NDUFAF2: variants seen among roughly 807,000 people sequenced by gnomAD.
The protein encoded by NDUFAF2 is NADH:ubiquinone oxidoreductase complex assembly factor 2, also known as NADH dehydrogenase [ubiquinone] 1 alpha subcomplex assembly factor 2.
A neutral mutation model predicts 22.8 loss-of-function variants in NDUFAF2; 13 were observed. The ratio of observed to expected loss-of-function variants is 0.57; its 90% CI spans 0.37 to 0.91. NDUFAF2 has a LOEUF of 0.91. Among genes scored for constraint, NDUFAF2 ranks in the 40% least tolerant of loss-of-function variants. The pLI is 0.01. For synonymous variants in NDUFAF2, 53 were observed against 64.2 expected (o/e 0.83, Z 0.84); for missense variants, 162 against 195.2 (o/e 0.83, Z 1.01).
At chr5:60,973,903 C>G (rs1325004809) in intron 1 of NDUFAF2, among the ~76,000 whole-genome samples, 1 of 152,140 alleles carries the variant, frequency 6.6e-6, no homozygotes, top group East Asian at 1.9e-4. Context: ...CTCCCAGGCT[C>G]AGTGATTCTC....
At chr5:61,009,050 T>G (rs553850457) in intron 1 of NDUFAF2, among the ~76,000 whole-genome samples, 87 of 152,234 alleles carry the variant, frequency 5.7e-4, no homozygotes, top group African/African-American at 2.0e-3. Flanking sequence ...TCTTTTCTAC[T>G]AATCCGTATC....
At chr5:61,037,588 T>C (rs1416295587) in intron 1 of NDUFAF2, among the ~76,000 whole-genome samples, 2 of 152,168 alleles carry the variant, frequency 1.3e-5, no homozygotes, top group African/African-American at 4.8e-5. Context: ...AACCCTTGGA[T>C]GTATGCAATG....
At chr5:61,110,715 C>A (rs1321091492) in intron 3 of NDUFAF2, among the ~76,000 whole-genome samples, 1 of 151,676 alleles carries the variant, frequency 6.6e-6, no homozygotes, top group East Asian at 1.9e-4. Flanking sequence ...TGTCTTTTTT[C>A]TTAATCTGGC....
At chr5:61,024,658 G>T (rs557816015) in intron 1 of NDUFAF2, among the ~76,000 whole-genome samples, 15 of 152,006 alleles carry the variant, frequency 9.9e-5, no homozygotes, top group African/African-American at 3.1e-4. Flanking sequence ...AGTAAGTCTG[G>T]CTCCAGAGGC....
chr5:61,097,632 G>A (rs575959499), intron 2 of NDUFAF2, among the ~76,000 whole-genome samples: 1 of 152,166 alleles, frequency 6.6e-6, no homozygotes, highest in East Asian at 1.9e-4. Context: ...ATTCCCAGTC[G>A]CTAATTATAT....
chr5:60,968,176 A>G (rs61017995), intron 1 of NDUFAF2, among the ~76,000 whole-genome samples: 60,407 of 151,478 alleles, frequency 0.4, 12,956 homozygotes, highest in East Asian at 0.8. Context: ...TTTCTGTAGT[A>G]TCCGTTGTTG....
At chr5:61,035,341 C>T (rs1751784682) in intron 1 of NDUFAF2, among the ~76,000 whole-genome samples, 1 of 150,354 alleles carries the variant, frequency 6.7e-6, no homozygotes, top group Non-Finnish European at 1.5e-5. Context: ...GCTGGGATTA[C>T]AGGCGTGAGC....
intron 1 of NDUFAF2, among the ~76,000 whole-genome samples, chr5:61,032,438 C>T (rs10050696): frequency 0.047 from 7,139 of 152,188 alleles, 562 homozygotes; most frequent in African/African-American, 0.16. Context: ...CAGTTTTCTG[C>T]ATATGGCTAG....
chr5:61,047,425 AG>A (rs1751967303), intron 1 of NDUFAF2, among the ~76,000 whole-genome samples: 1 of 152,148 alleles, frequency 6.6e-6, no homozygotes, highest in African/African-American at 2.4e-5. Flanking sequence ...AAAAAAAAAA[AG>A]TTTAAGTTGA....
intron 1 of NDUFAF2, among the ~76,000 whole-genome samples, chr5:61,002,472 A>G (rs1751308991): frequency 6.6e-6 from 1 of 152,146 alleles, no homozygotes; most frequent in African/African-American, 2.4e-5. Flanking sequence ...ATTGGAATCA[A>G]TATAATTTAT....
intron 3 of NDUFAF2, among the ~76,000 whole-genome samples, chr5:61,131,247 G>A (rs575208189): frequency 6.7e-6 from 1 of 150,194 alleles, no homozygotes; most frequent in African/African-American, 2.4e-5. Context: ...CCAGGCTGGA[G>A]TGCAGTGGAA....
chr5:61,065,330 G>A (rs1384954458), intron 1 of NDUFAF2, among the ~76,000 whole-genome samples: 1 of 152,030 alleles, frequency 6.6e-6, no homozygotes, highest in African/African-American at 2.4e-5. Context: ...GAGCTTCAGA[G>A]AATACTTCTA....
intron 2 of NDUFAF2, 70 bp downstream of exon 2, chr5:61,073,284 C>A: frequency 8.9e-7 from 1 of 1,120,670 alleles, no homozygotes; most frequent in Non-Finnish European, 1.4e-6. Flanking sequence ...TCAATAAGAG[C>A]ATATATAGTT....
At chr5:61,081,286 T>G (rs191080260) in intron 2 of NDUFAF2, among the ~76,000 whole-genome samples, 1 of 152,312 alleles carries the variant, frequency 6.6e-6, no homozygotes, top group African/African-American at 2.4e-5. Flanking sequence ...AATTTTTGTC[T>G]TGGTTAGTCA....
At chr5:60,961,893 T>G (rs1297624210) in intron 1 of NDUFAF2, among the ~76,000 whole-genome samples, 1 of 151,706 alleles carries the variant, frequency 6.6e-6, no homozygotes, top group East Asian at 1.9e-4. Flanking sequence ...CTCAGGAGTT[T>G]GAGGTTACAG....
chr5:60,983,900 T>C (rs1751028975), intron 1 of NDUFAF2, among the ~76,000 whole-genome samples: 1 of 152,158 alleles, frequency 6.6e-6, no homozygotes, highest in South Asian at 2.1e-4. Context: ...TTTGGTTCCA[T>C]ATGAACTTTA....
chr5:61,031,259 A>G (rs2112609654), intron 1 of NDUFAF2, among the ~76,000 whole-genome samples: 1 of 152,036 alleles, frequency 6.6e-6, no homozygotes, highest in South Asian at 2.1e-4. Context: ...GTGGTTTGCA[A>G]CTCATCATCT....
At chr5:61,002,342 A>G (rs540216525) in intron 1 of NDUFAF2, among the ~76,000 whole-genome samples, 94 of 152,276 alleles carry the variant, frequency 6.2e-4, no homozygotes, top group African/African-American at 2.0e-3. Flanking sequence ...TAACTCCTTT[A>G]GGATCTTAAG....
At chr5:61,083,322 G>A (rs759657718) in intron 2 of NDUFAF2, 2 of 151,452 alleles carry the variant, frequency 1.3e-5, no homozygotes, top group African/African-American at 2.4e-5. Flanking sequence ...TTTTGTATAC[G>A]GCGAAAGGTA....
Sources: allele counts gnomAD v4.1 joint callset (sites outside exome capture counted in the v4.1 genomes callset), GRCh38; gene constraint gnomAD v4.1.1; transcripts MANE v1.5; gene names NCBI Gene and HGNC (gene_info 2026-07-23, HGNC 2026-07-21).